CHODL: variants seen among roughly 807,000 people sequenced by gnomAD.
CHODL encodes the protein transmembrane protein MT75.
CHODL carries 29 observed loss-of-function variants against 34.5 expected under a neutral mutation model. The observed-to-expected ratio is 0.84, with a 90% CI of 0.63 to 1.15. The LOEUF is 1.15. Among genes scored for constraint, CHODL ranks in the 50% most tolerant of loss-of-function variants. CHODL has a pLI of 0.00. For synonymous variants in CHODL, 125 were observed against 116.1 expected (o/e 1.08, Z -0.49); for missense variants, 332 against 332.5 (o/e 1.00, Z 0.01).
At chr21:17,962,782 G>T (rs1053603619) in intron 1 of CHODL, among the ~76,000 whole-genome samples, 4 of 152,118 alleles carry the variant, frequency 2.6e-5, no homozygotes, top group Admixed American at 2.6e-4. Context: ...AATACTTCCA[G>T]GCCAGGCGCG....
At chr21:18,061,036 C>T (rs157056) in intron 2 of CHODL, among the ~76,000 whole-genome samples, 70,065 of 151,950 alleles carry the variant, frequency 0.46, 16,925 homozygotes, top group Middle Eastern at 0.53. Flanking sequence ...GGCCGAAGTT[C>T]TTTCAGGTAC....
intron 1 of CHODL, among the ~76,000 whole-genome samples, chr21:18,250,936 GAT>G (rs2074228745): frequency 6.6e-6 from 1 of 151,320 alleles, no homozygotes. Flanking sequence ...TTGAAAAAGT[GAT>G]ATAAATTCAA....
chr21:18,046,757 T>G (rs2146461902), intron 2 of CHODL, among the ~76,000 whole-genome samples: 1 of 152,134 alleles, frequency 6.6e-6, no homozygotes, highest in African/African-American at 2.4e-5. Context: ...TAACATTTTA[T>G]GATGACTTGG....
At chr21:18,000,517 A>G (rs1464135020) in intron 1 of CHODL, among the ~76,000 whole-genome samples, 2 of 152,182 alleles carry the variant, frequency 1.3e-5, no homozygotes, top group African/African-American at 2.4e-5. Flanking sequence ...CTAATTAGCT[A>G]TTAATTGCCA....
At chr21:18,250,668 G>T (rs1368302414) in intron 1 of CHODL, among the ~76,000 whole-genome samples, 2 of 151,958 alleles carry the variant, frequency 1.3e-5, no homozygotes, top group African/African-American at 4.8e-5. Flanking sequence ...GTTCAAAAGT[G>T]TTGGCACTGG....
At chr21:18,027,909 T>G (rs886162141) in exon 2 of CHODL, 15 of 152,446 alleles carry the variant, frequency 9.8e-5, no homozygotes, top group African/African-American at 3.6e-4. Context: ...GACCAGGAGG[T>G]GGTCCCTCCC....
intron 5 of CHODL, among the ~76,000 whole-genome samples, chr21:18,265,593 G>T (rs2074449265): frequency 6.6e-6 from 1 of 151,902 alleles, no homozygotes; most frequent in South Asian, 2.1e-4. Flanking sequence ...CAAGTGATGG[G>T]TGCACCAAAA....
At chr21:18,107,648 T>G (rs993608788) in intron 2 of CHODL, among the ~76,000 whole-genome samples, 40 of 152,192 alleles carry the variant, frequency 2.6e-4, no homozygotes, top group African/African-American at 9.2e-4. Flanking sequence ...GCATCAGGGT[T>G]TGCTGTGTGG....
intron 2 of CHODL, among the ~76,000 whole-genome samples, chr21:18,212,853 C>T (rs894246379): frequency 6.6e-6 from 1 of 152,040 alleles, no homozygotes; most frequent in Non-Finnish European, 1.5e-5. Flanking sequence ...GAAATAATCC[C>T]GCAATGAGAT....
chr21:18,018,360 A>G (rs1241569979), intron 1 of CHODL, among the ~76,000 whole-genome samples: 4 of 152,060 alleles, frequency 2.6e-5, no homozygotes, highest in African/African-American at 9.7e-5. Flanking sequence ...GTAATCCCCA[A>G]TGCTGGAGGT....
chr21:18,010,460 A>G (rs1182121317), intron 1 of CHODL, among the ~76,000 whole-genome samples: 3 of 152,180 alleles, frequency 2.0e-5, no homozygotes, highest in Non-Finnish European at 2.9e-5. Flanking sequence ...TATCACAGCA[A>G]CTTACTTGCG....
At chr21:18,093,463 A>G (rs1271614403) in intron 2 of CHODL, among the ~76,000 whole-genome samples, 3 of 151,752 alleles carry the variant, frequency 2.0e-5, no homozygotes, top group African/African-American at 7.2e-5. Context: ...TAGTTGTGGT[A>G]TGTAAATTTC....
chr21:18,209,402 C>T (rs1422276152), intron 2 of CHODL, among the ~76,000 whole-genome samples: 1 of 152,144 alleles, frequency 6.6e-6, no homozygotes, highest in Non-Finnish European at 1.5e-5. Context: ...TACCAGGCTT[C>T]TGACTCTCTC....
Position 18,209,794 on chromosome 21 carries a change from G to A in CHODL, c.-44-46715G>A, listed in dbSNP as rs141067292. 9.0e-3 allele frequency among the ~76,000 whole-genome samples: 1,364 copies of A among 152,214 alleles called. 16 individuals carry two copies. Among genetic ancestry groups the A allele is most frequent in the African/African-American group, 0.031 (1,279 of 41,548 alleles). On this transcript the variant is annotated intron_variant, in intron 2 of 6. Transcript: ENST00000400127. The stretch of plus-strand genomic sequence containing the variant: ...CTTCAAGGCAGTAGGTTCCCTTCTG[G>A]CCCAGTGTGTGTCTAGAAATGTTGT...
intron 1 of CHODL, among the ~76,000 whole-genome samples, chr21:17,945,830 TAAC>T (rs968651488): frequency 6.6e-6 from 1 of 151,970 alleles, no homozygotes; most frequent in Non-Finnish European, 1.5e-5. Context: ...TAAAGACTAA[TAAC>T]AAATTCTAAA....
At chr21:17,936,464 TAA>T (rs11294493) in intron 1 of CHODL, among the ~76,000 whole-genome samples, 17 of 143,216 alleles carry the variant, frequency 1.2e-4, no homozygotes, top group South Asian at 2.2e-4. Context: ...AAGATGATGT[TAA>T]AAAAAAAAAA....
At position 18,068,935 on chromosome 21, in the gene CHODL, A is replaced by C. The variant is rs1334817745; in HGVS notation, c.-45+40964A>C. Among the ~76,000 whole-genome samples the C allele has an allele frequency of 2.0e-5, 3 of 152,132 alleles. 1 individual carries two copies. Among genetic ancestry groups the C allele is most frequent in the African/African-American group, 7.2e-5 (3 of 41,408 alleles). On this transcript the variant is annotated intron_variant, in intron 2 of 6. Coordinates refer to the CHODL transcript ENST00000400127. ...GAATCATTTTACTCACAACAGTGGC[A>C]GCCAGAGAATTTAGCATTTGCATCA...
chr21:17,945,359 T>C lies in CHODL; in HGVS notation c.-145+27959T>C, dbSNP rs189962736. 1.7e-4 allele frequency among the ~76,000 whole-genome samples: 26 copies of C among 152,050 alleles called. No homozygotes were observed. In the East Asian group the frequency reaches 4.4e-3, roughly 26 times the overall value. The stretch of plus-strand genomic sequence containing the variant: ...AGATAGATTTCTAAAATTTCTAAAA[T>C]TTGGAAAATAATACCCAAAAAGTGA... On this transcript the variant is annotated intron_variant, in intron 1 of 6. Transcript: ENST00000400127.
intron 2 of CHODL, among the ~76,000 whole-genome samples, chr21:18,142,797 G>A (rs1601061993): frequency 6.6e-6 from 1 of 152,272 alleles, no homozygotes; most frequent in African/African-American, 2.4e-5. Context: ...AATATATGCA[G>A]ACAATAGCTG....
Sources: allele counts gnomAD v4.1 joint callset (sites outside exome capture counted in the v4.1 genomes callset), GRCh38; gene constraint gnomAD v4.1.1; transcripts MANE v1.5; gene names NCBI Gene and HGNC (gene_info 2026-07-23, HGNC 2026-07-21).